The following IPO8 variants were observed in gnomAD, a reference collection of about 807,000 sequenced individuals.
IPO8 encodes the protein importin-8.
A neutral mutation model predicts 141.2 loss-of-function variants in IPO8; 65 were observed. That is an observed-to-expected ratio of 0.46 (90% CI 0.38 to 0.57). The LOEUF (loss-of-function observed/expected upper bound fraction) is 0.57. Ranked by LOEUF, IPO8 falls within the 20% of genes least tolerant of loss-of-function variation. IPO8 has a pLI of 0.00. For synonymous variants in IPO8, 411 were observed against 420.3 expected (o/e 0.98, Z 0.27); for missense variants, 980 against 1,246.8 (o/e 0.79, Z 3.22).
In IPO8 at chr12:30,667,662, A is replaced by G. The variant is rs192854250; in HGVS notation, c.1145-1411T>C. On this transcript the variant is annotated intron_variant, in intron 10 of 24. Coordinates refer to ENST00000256079, the MANE Select transcript of IPO8 (RefSeq NM_006390.4). The stretch of plus-strand genomic sequence containing the variant: ...AGAAGGAAACGATTAAAGAAAACTC[A>G]CTTCAGCTAGTCAGTCTTGAGTTAC... 2.9e-3 allele frequency among the ~76,000 whole-genome samples: 440 copies of G among 152,272 alleles called. 2 individuals carry two copies. The highest frequency in any genetic ancestry group is 9.7e-3 in the African/African-American group (402 of 41,552).
intron 5 of IPO8, among the ~76,000 whole-genome samples, chr12:30,678,988 C>T (rs529994756): frequency 1.2e-4 from 18 of 152,218 alleles, no homozygotes; most frequent in Admixed American, 3.3e-4. Flanking sequence ...TAGAGGCACC[C>T]GCCATCATTT....
chr12:30,631,876 G>C lies in IPO8; in HGVS notation c.3016+19C>G, dbSNP rs775122499. 8 of 1,548,200 alleles carry C rather than the reference G, an allele frequency of 5.2e-6. No individual in the cohort carries two copies. Among genetic ancestry groups the C allele is most frequent in the Admixed American group, 3.4e-5 (2 of 59,546 alleles). ...CACTCTGACACATGCACTCCACTCT[G>C]GAGGTTACTCTGGCTGACCTGCCAC... is the stretch of plus-strand genomic sequence containing the variant. On this transcript the variant is annotated intron_variant, in intron 24 of 24. Coordinates refer to ENST00000256079, the MANE Select transcript of IPO8 (RefSeq NM_006390.4).
chr12:30,678,848 T>A (rs1001317155), intron 5 of IPO8, among the ~76,000 whole-genome samples: 5 of 152,196 alleles, frequency 3.3e-5, no homozygotes, highest in African/African-American at 1.2e-4. Flanking sequence ...ATCATACTTT[T>A]ATTTTATTTG....
In IPO8 at chr12:30,661,192, T is replaced by C; in HGVS notation, c.1830A>G (p.Gly610=). ...AGATAGTATCAATGGTATGTAAAAT[T>C]CCCATAGCCATTACTGTTTTGTCTT... ...EVEDKTVMAM[G]ILHTIDTILT... The change falls in exon 16 of 25, where the codon GGA becomes GGG. Residue 610 remains glycine (G), a synonymous_variant. Transcript: ENST00000256079. 1 of 1,594,738 alleles carries C rather than the reference T, an allele frequency of 6.3e-7. No individual in the cohort carries two copies. Among genetic ancestry groups the C allele is most frequent in the African/African-American group, 1.4e-5 (1 of 73,800 alleles).
At chr12:30,674,942 A>G (rs2053099998) in intron 6 of IPO8, among the ~76,000 whole-genome samples, 189 bp from the exon 7 acceptor site, 1 of 152,220 alleles carries the variant, frequency 6.6e-6, no homozygotes, top group Admixed American at 6.5e-5. Context: ...CAACTAAACA[A>G]TGCTGCTGTT....
chr12:30,659,579 C>T (rs1006458842), intron 16 of IPO8, among the ~76,000 whole-genome samples: 8 of 151,592 alleles, frequency 5.3e-5, no homozygotes, highest in African/African-American at 7.3e-5. Flanking sequence ...CGGCTGGGCA[C>T]GGTGGCTCAC....
intron 21 of IPO8, among the ~76,000 whole-genome samples, chr12:30,639,100 C>A (rs146449637): frequency 1.3e-5 from 2 of 152,262 alleles, no homozygotes; most frequent in Non-Finnish European, 2.9e-5. Flanking sequence ...TCCCTGAGAT[C>A]TGCAAAGAGT....
chr12:30,687,940 A>C (rs750974181), intron 2 of IPO8, among the ~76,000 whole-genome samples: 1 of 152,190 alleles, frequency 6.6e-6, no homozygotes, highest in Non-Finnish European at 1.5e-5. Flanking sequence ...TTTAAATGAC[A>C]GTCCCACATC....
intron 13 of IPO8, 51 bp from the exon 14 acceptor site, chr12:30,663,705 G>C: frequency 7.5e-7 from 1 of 1,341,440 alleles, no homozygotes; most frequent in South Asian, 1.6e-5. Flanking sequence ...ATAGCATTCT[G>C]TAATAATATC....
intron 5 of IPO8, among the ~76,000 whole-genome samples, chr12:30,679,353 T>G (rs2053161590): frequency 6.6e-6 from 1 of 152,210 alleles, no homozygotes; most frequent in Non-Finnish European, 1.5e-5. Context: ...ATATGAAGAT[T>G]CTGTCGTCTT....
chr12:30,634,835 A>G (rs1239870320), intron 22 of IPO8, among the ~76,000 whole-genome samples: 1 of 152,108 alleles, frequency 6.6e-6, no homozygotes, highest in East Asian at 1.9e-4. Context: ...TATATCTAAA[A>G]TATTTTAAAT....
At position 30,671,100 on chromosome 12, in the gene IPO8, T is replaced by C. The variant is rs201656134; in HGVS notation, c.910-4A>G. 92 of 1,569,826 alleles carry C rather than the reference T, an allele frequency of 5.9e-5. No individual in the cohort carries two copies. In the African/African-American group the frequency reaches 1.2e-3, roughly 20 times the overall value. On this transcript the variant is annotated splice_region_variant and splice_polypyrimidine_tract_variant and intron_variant, in intron 8 of 24. Transcript: ENST00000256079. The stretch of plus-strand genomic sequence containing the variant: ...GATCTAAAATTTTTAGTAGCACCTA[T>C]AAGAAAACAGAAAATACAGACTAAC...
intron 2 of IPO8, among the ~76,000 whole-genome samples, chr12:30,684,871 G>A (rs892420768): frequency 6.6e-6 from 1 of 151,770 alleles, no homozygotes; most frequent in Non-Finnish European, 1.5e-5. Context: ...AGCATTTTGG[G>A]GTATCTCTTC....
Position 30,694,989 on chromosome 12 carries a change from T to G in IPO8, c.84+575A>C, listed in dbSNP as rs142596260. ...CCAACACATCTTACTTTGATGTGTC[T>G]TAGATAAAGCAGTATCACCATGAAA... On this transcript the variant is annotated intron_variant, in intron 1 of 24. Coordinates refer to ENST00000256079, the MANE Select transcript of IPO8 (RefSeq NM_006390.4). The G allele has an allele frequency of 1.3e-3, 599 of 456,042 alleles. 6 individuals are homozygous for G. Among genetic ancestry groups the G allele is most frequent in the African/African-American group, 8.3e-3 (417 of 50,186 alleles). 28.2% of individuals were successfully genotyped at this position (456,042 alleles called of 1,614,324 possible).
chr12:30,678,143 A>T lies in IPO8; in HGVS notation c.640-1556T>A, dbSNP rs967016904. ...CCATCTCAAAAAAAAAAAAAAAAAA[A>T]TTTAAAGTTTATGAAGTAAAAAAGT... On this transcript the variant is annotated intron_variant, in intron 5 of 24. Transcript: ENST00000256079. Among the ~76,000 whole-genome samples the T allele has an allele frequency of 4.0e-3, 603 of 149,792 alleles. 11 individuals carry two copies. Among genetic ancestry groups the T allele is most frequent in the East Asian group, 0.027 (135 of 5,004 alleles).
At chr12:30,644,631 CT>C (rs2052616824) in intron 20 of IPO8, among the ~76,000 whole-genome samples, 1 of 135,722 alleles carries the variant, frequency 7.4e-6, no homozygotes, top group Non-Finnish European at 1.6e-5. Context: ...ATGTACTTTG[CT>C]TTTTGGTGTT....
At chr12:30,683,599 C>A (rs1314834001) in intron 3 of IPO8, among the ~76,000 whole-genome samples, 1 of 152,148 alleles carries the variant, frequency 6.6e-6, no homozygotes, top group African/African-American at 2.4e-5. Context: ...AGAGCAGCTG[C>A]TAGTTAAATA....
chr12:30,676,950 A>G (rs1181363721), intron 5 of IPO8: 1 of 1,533,334 alleles, frequency 6.5e-7, no homozygotes, highest in South Asian at 1.2e-5. Flanking sequence ...TATTTATTTC[A>G]TTAAACACTC....
At chr12:30,645,578 A>G (rs993892195) in intron 20 of IPO8, among the ~76,000 whole-genome samples, 4 of 152,144 alleles carry the variant, frequency 2.6e-5, no homozygotes, top group Admixed American at 2.0e-4. Flanking sequence ...AACAAAACCA[A>G]AAGTTAGCTC....
Sources: gnomAD v4.1 joint callset for allele counts (sites outside exome capture counted in the v4.1 genomes callset) on GRCh38, gnomAD v4.1.1 for gene constraint, MANE v1.5 for transcripts, NCBI Gene and HGNC (gene_info 2026-07-23, HGNC 2026-07-21) for gene names.